Variants in RIMBP2 observed in about 807,000 individuals in gnomAD.
The protein encoded by RIMBP2 is RIMS-binding protein 2.
Under a neutral mutation model 118.6 loss-of-function variants are expected in RIMBP2, and 48 were observed. The ratio of observed to expected loss-of-function variants is 0.40; its 90% CI spans 0.32 to 0.51. RIMBP2 has a LOEUF of 0.51. Ranked by LOEUF, RIMBP2 falls within the 20% of genes least tolerant of loss-of-function variation. The pLI, the probability that RIMBP2 is intolerant of heterozygous loss-of-function variation, is 0.41. For synonymous variants in RIMBP2, 762 were observed against 742.9 expected (o/e 1.03, Z -0.42); for missense variants, 1,551 against 1,768.3 (o/e 0.88, Z 2.20).
rs572120755 is a variant in RIMBP2, at chr12:130,649,062, G to A, written c.-351-20606C>T. On this transcript the variant is annotated intron_variant, in intron 1 of 22. Coordinates refer to ENST00000690449, the MANE Select transcript of RIMBP2 (RefSeq NM_001393629.1). ...CAATGACCTCCTGACTCAGAGGCAC[G>A]GGAGCAGATCTCCCGGCTTTTCCTG... is the stretch of plus-strand genomic sequence containing the variant. Among the ~76,000 whole-genome samples, 8 of 146,010 alleles carry A rather than the reference G, an allele frequency of 5.5e-5. 1 individual carries two copies. In the East Asian group the frequency reaches 1.2e-3, roughly 21 times the overall value.
intron 1 of RIMBP2, among the ~76,000 whole-genome samples, chr12:130,704,538 G>A (rs1268854866): frequency 1.3e-5 from 2 of 152,112 alleles, no homozygotes; most frequent in East Asian, 3.9e-4. Context: ...TCATGCCACT[G>A]CACTCCAGCC....
chr12:130,715,566 C>A (rs1950270171), intron 1 of RIMBP2, among the ~76,000 whole-genome samples: 1 of 152,210 alleles, frequency 6.6e-6, no homozygotes, highest in South Asian at 2.1e-4. Flanking sequence ...CAGCAGCCCG[C>A]GCACACTGCT....
intron 2 of RIMBP2, among the ~76,000 whole-genome samples, chr12:130,586,324 C>T (rs556894079): frequency 8.9e-4 from 135 of 152,220 alleles, no homozygotes; most frequent in African/African-American, 2.9e-3. Context: ...TGGTGGCAGG[C>T]ACCTGCAATC....
At chr12:130,657,827 C>A (rs1228672539) in intron 1 of RIMBP2, 4 of 152,314 alleles carry the variant, frequency 2.6e-5, no homozygotes, top group Non-Finnish European at 5.9e-5. Context: ...TTTCAGTGTG[C>A]GATCCCCAAC....
At chr12:130,533,222 T>A (rs2053668975) in intron 2 of RIMBP2, among the ~76,000 whole-genome samples, 1 of 152,160 alleles carries the variant, frequency 6.6e-6, no homozygotes, top group Non-Finnish European at 1.5e-5. Context: ...ATGAGATGCA[T>A]GTGTTTAGCT....
At chr12:130,559,290 C>T (rs1223234738) in intron 2 of RIMBP2, among the ~76,000 whole-genome samples, 1 of 152,130 alleles carries the variant, frequency 6.6e-6, no homozygotes, top group African/African-American at 2.4e-5. Flanking sequence ...ATTTTGTATC[C>T]TTCCAACAAC....
chr12:130,616,347 A>C, intron 2 of RIMBP2, among the ~76,000 whole-genome samples: 2 of 144,096 alleles, frequency 1.4e-5, no homozygotes, highest in East Asian at 2.0e-4. Context: ...CTCCTTCCTT[A>C]TTTCTGCCTC....
chr12:130,547,221 T>TA (rs1011162277), intron 2 of RIMBP2, among the ~76,000 whole-genome samples: 2 of 151,760 alleles, frequency 1.3e-5, no homozygotes, highest in South Asian at 2.1e-4. Flanking sequence ...TGAAGACAAC[T>TA]AAAAAAAAAT....
At position 130,710,623 on chromosome 12, in the gene RIMBP2, G is replaced by C. The variant is rs556481786; in HGVS notation, c.-352+5599C>G. 6.7e-6 allele frequency among the ~76,000 whole-genome samples: 1 copy of C among 149,802 alleles called. No homozygotes were observed. Among genetic ancestry groups the C allele is most frequent in the African/African-American group, 2.5e-5 (1 of 39,266 alleles). On this transcript the variant is annotated intron_variant, in intron 1 of 22. Transcript: ENST00000690449. This position sits in a 1 kb window ranked among gnomAD's most constrained non-coding sequence, Gnocchi z 4.3. Reference sequence around the variant, plus strand: ...TGCCTTCCTGGGTCCCACACAGATAGAGAAGTGGCAGGTGCTGCACCTCCC... The same window carrying C: ...TGCCTTCCTGGGTCCCACACAGATACAGAAGTGGCAGGTGCTGCACCTCCC...
At chr12:130,439,143 A>G (rs540846855) in intron 11 of RIMBP2, among the ~76,000 whole-genome samples, 1 of 151,800 alleles carries the variant, frequency 6.6e-6, no homozygotes, top group African/African-American at 2.4e-5. Flanking sequence ...GTGTGTGTAT[A>G]TGTGTGTATG....
chr12:130,538,122 G>A (rs1345357314), intron 2 of RIMBP2, among the ~76,000 whole-genome samples: 1 of 152,114 alleles, frequency 6.6e-6, no homozygotes, highest in South Asian at 2.1e-4. Context: ...ATCCAAGATG[G>A]CAGCTCGTGA....
At chr12:130,398,598 C>A (rs781722116) in intron 22 of RIMBP2, 2 of 152,634 alleles carry the variant, frequency 1.3e-5, no homozygotes, top group Non-Finnish European at 2.9e-5. Context: ...GAGCATAGCT[C>A]TCTCGTAAGG....
Position 130,469,861 on chromosome 12 carries a change from G to T in RIMBP2, c.153+832C>A, listed in dbSNP as rs1018239796. On this transcript the variant is annotated intron_variant, in intron 6 of 22. Transcript: ENST00000690449. The surrounding 1 kb of genome is among the most constrained non-coding windows in gnomAD (Gnocchi z 4.8). ...CCTCCGAGGTAAATCTCTCCTTGAG[G>T]GGGTGGTGAATTACACGATCCTTGA... Among the ~76,000 whole-genome samples, 4 of 152,292 alleles carry T rather than the reference G, an allele frequency of 2.6e-5. No individual in the cohort carries two copies. Among genetic ancestry groups the T allele is most frequent in the Admixed American group, 6.5e-5 (1 of 15,306 alleles).
intron 4 of RIMBP2, among the ~76,000 whole-genome samples, chr12:130,483,113 C>G (rs112698439): frequency 3.4e-4 from 22 of 64,308 alleles, no homozygotes; most frequent in African/African-American, 1.3e-3. Context: ...CAAATACACC[C>G]ATTGTGTGTG....
chr12:130,492,173 C>T (rs567314532), intron 4 of RIMBP2, among the ~76,000 whole-genome samples: 338 of 152,312 alleles, frequency 2.2e-3, no homozygotes, highest in Non-Finnish European at 3.2e-3. Flanking sequence ...TATGTACACA[C>T]GATTTGCTTT....
At chr12:130,516,321 A>C (rs2139029706) in intron 3 of RIMBP2, among the ~76,000 whole-genome samples, 1 of 152,384 alleles carries the variant, frequency 6.6e-6, no homozygotes, top group African/African-American at 2.4e-5. Context: ...AGCTTAAAAC[A>C]ACCCATCATT....
Position 130,700,434 on chromosome 12 carries a change from G to A in RIMBP2, c.-352+15788C>T, listed in dbSNP as rs994625115. Reference sequence around the variant, plus strand: ...GAATGGGACCTCACTTGGAAGTAGGGTTTTTGAAGATGCAATTCTTAAGGT... The same window carrying A: ...GAATGGGACCTCACTTGGAAGTAGGATTTTTGAAGATGCAATTCTTAAGGT... On this transcript the variant is annotated intron_variant, in intron 1 of 22. Transcript: ENST00000690449. Among the ~76,000 whole-genome samples, 4 of 152,258 alleles carry A rather than the reference G, an allele frequency of 2.6e-5. No homozygotes were observed. The East Asian group carries it at 7.7e-4, about 29-fold the overall frequency.
intron 1 of RIMBP2, among the ~76,000 whole-genome samples, 181 bp downstream of exon 1, chr12:130,716,041 C>T (rs1950305832): frequency 6.6e-6 from 1 of 152,126 alleles, no homozygotes; most frequent in South Asian, 2.1e-4. Context: ...CGCTGCTCCC[C>T]GCACCCAGCG....
At chr12:130,561,345 T>C (rs919411159) in intron 2 of RIMBP2, among the ~76,000 whole-genome samples, 1 of 152,164 alleles carries the variant, frequency 6.6e-6, no homozygotes, top group Non-Finnish European at 1.5e-5. Flanking sequence ...TATGTCTTCA[T>C]TCATTTTCCT....
Sources: allele counts gnomAD v4.1 joint callset (sites outside exome capture counted in the v4.1 genomes callset), GRCh38; gene constraint gnomAD v4.1.1; non-coding constraint Gnocchi (gnomAD v3.1); transcripts MANE v1.5; gene names NCBI Gene and HGNC (gene_info 2026-07-23, HGNC 2026-07-21).